Variants in YPEL5 observed in about 807,000 individuals in gnomAD.
YPEL5 encodes protein yippee-like 5.
A neutral mutation model predicts 10.5 loss-of-function variants in YPEL5; 1 was observed. The ratio of observed to expected loss-of-function variants is 0.10; its 90% CI spans 0.03 to 0.45. The LOEUF is 0.45. Ranked by LOEUF, YPEL5 falls within the 20% of genes least tolerant of loss-of-function variation. YPEL5 has a pLI of 0.97. For synonymous variants in YPEL5, 61 were observed against 56.6 expected (o/e 1.08, Z -0.35); for missense variants, 68 against 159.3 (o/e 0.43, Z 3.09).
At chr2:30,156,913 CAGA>C in intron 2 of YPEL5, 121 bp downstream of exon 2, 3 of 1,206,500 alleles carry the variant, frequency 2.5e-6, no homozygotes, top group Non-Finnish European at 3.5e-6. Context: ...TTGAAATCTA[CAGA>C]AATGATTGCC....
chr2:30,150,933 A>T (rs887122293), intron 1 of YPEL5, among the ~76,000 whole-genome samples: 2 of 152,198 alleles, frequency 1.3e-5, no homozygotes, highest in Non-Finnish European at 2.9e-5. Flanking sequence ...AAAAACTTTG[A>T]CACTCAAGTG....
chr2:30,147,261 C>G (rs996932459), intron 1 of YPEL5, among the ~76,000 whole-genome samples, 199 bp downstream of exon 1: 1 of 151,808 alleles, frequency 6.6e-6, no homozygotes, highest in East Asian at 1.9e-4. Flanking sequence ...GCTGGGACCG[C>G]GGGCGGACGC....
intron 1 of YPEL5, chr2:30,156,301 T>G (rs1034228506): frequency 3.1e-5 from 7 of 223,138 alleles, no homozygotes; most frequent in African/African-American, 1.6e-4. Context: ...TGCCAGTGCT[T>G]TACATCATTC....
In YPEL5 at chr2:30,147,713, C is replaced by G. The variant is rs188962590; in HGVS notation, c.-25+651C>G. 8.9e-3 allele frequency: 1,357 copies of G among 152,122 alleles called. 11 individuals carry two copies. Among genetic ancestry groups the G allele is most frequent in the Non-Finnish European group, 0.013 (886 of 68,072 alleles). 9.4% of individuals were successfully genotyped at this position (152,122 alleles called of 1,614,324 possible). On this transcript the variant is annotated intron_variant, in intron 1 of 2. Transcript: ENST00000261353. Reference sequence around the variant, plus strand: ...CATGAACGTCCGCCTCCCCCGCCCTCCTGCCCAGAGGACCCGGGACTGACA... The same window carrying G: ...CATGAACGTCCGCCTCCCCCGCCCTGCTGCCCAGAGGACCCGGGACTGACA...
At chr2:30,153,108 A>G (rs1276638257) in intron 1 of YPEL5, among the ~76,000 whole-genome samples, 1 of 151,970 alleles carries the variant, frequency 6.6e-6, no homozygotes, top group East Asian at 1.9e-4. Flanking sequence ...TCACAGTGTT[A>G]GCCAGGATGG....
Position 30,159,812 on chromosome 2 carries a change from T to C in YPEL5, c.*969T>C, listed in dbSNP as rs532107896. On this transcript the variant is annotated 3_prime_UTR_variant, in exon 3 of 3. Coordinates refer to ENST00000261353, the MANE Select transcript of YPEL5 (RefSeq NM_016061.3). ...TTAGAAAAGGGGGAAATGAAGCAAC[T>C]TGTCTAAAAATACTGCTTTACAAAG... The C allele has an allele frequency of 3.3e-5, 5 of 152,458 alleles. No homozygotes were observed. Among genetic ancestry groups the C allele is most frequent in the Admixed American group, 3.3e-4 (5 of 15,306 alleles). 9.4% of individuals were successfully genotyped at this position (152,458 alleles called of 1,614,324 possible). A position where few individuals can be genotyped will look rare whatever the true frequency, so the allele number is the denominator to read the frequency against.
At chr2:30,158,501 A>G in intron 2 of YPEL5, 118 bp from the exon 3 acceptor site, 1 of 972,810 alleles carries the variant, frequency 1.0e-6, no homozygotes, top group African/African-American at 1.6e-5. Context: ...GGTTTGACTA[A>G]ACTAACAAGT....
At chr2:30,154,188 T>A (rs973504823) in intron 1 of YPEL5, among the ~76,000 whole-genome samples, 3 of 152,210 alleles carry the variant, frequency 2.0e-5, no homozygotes, top group Non-Finnish European at 4.4e-5. Flanking sequence ...GCACAAATAC[T>A]AGTCTTCAAA....
chr2:30,151,982 G>A (rs1380991161), intron 1 of YPEL5, among the ~76,000 whole-genome samples: 1 of 152,206 alleles, frequency 6.6e-6, no homozygotes, highest in African/African-American at 2.4e-5. Flanking sequence ...CCAGTGGCTG[G>A]GAGTTGGAGA....
intron 1 of YPEL5, among the ~76,000 whole-genome samples, chr2:30,155,018 T>C (rs6743004): frequency 0.81 from 123,857 of 152,240 alleles, 50,879 homozygotes; most frequent in East Asian, 0.96. Context: ...GGATTACAGG[T>C]GTGAGCCACC....
intron 1 of YPEL5, among the ~76,000 whole-genome samples, chr2:30,155,403 T>G (rs937387747): frequency 6.6e-6 from 1 of 152,208 alleles, no homozygotes; most frequent in Admixed American, 6.5e-5. Flanking sequence ...AAATTTGTAA[T>G]GGAATTCCCC....
At chr2:30,152,118 T>C (rs752922287) in intron 1 of YPEL5, among the ~76,000 whole-genome samples, 2 of 152,218 alleles carry the variant, frequency 1.3e-5, no homozygotes, top group Non-Finnish European at 2.9e-5. Context: ...TGTACACTTG[T>C]AGTGAGTAAA....
In YPEL5 at chr2:30,158,997, C is replaced by T. The variant is rs1325128551; in HGVS notation, c.*154C>T. 4 of 727,358 alleles carry T rather than the reference C, an allele frequency of 5.5e-6. No individual in the cohort carries two copies. Among genetic ancestry groups the T allele is most frequent in the African/African-American group, 1.8e-5 (1 of 55,742 alleles). The allele number at this position is 727,358 out of a possible 1,614,324, so 45.1% of individuals were successfully genotyped here. A position where few individuals can be genotyped will look rare whatever the true frequency, so the allele number is the denominator to read the frequency against. On this transcript the variant is annotated 3_prime_UTR_variant, in exon 3 of 3. Transcript: ENST00000261353. Reference sequence around the variant, plus strand: ...AGATGGAACCTTTCTTTCTTTCTTTCTTTTTTTTTAAATTTTGTATTTTCC... The same window carrying T: ...AGATGGAACCTTTCTTTCTTTCTTTTTTTTTTTTTAAATTTTGTATTTTCC...
intron 1 of YPEL5, chr2:30,148,496 G>A (rs1417675433): frequency 1.3e-5 from 2 of 152,230 alleles, no homozygotes; most frequent in Admixed American, 1.3e-4. Flanking sequence ...AAGTGCTTTG[G>A]TGAATTCGTT....
chr2:30,156,434 T>G (rs1676042309), intron 1 of YPEL5, 194 bp from the exon 2 acceptor site: 3 of 517,420 alleles, frequency 5.8e-6, no homozygotes, highest in Non-Finnish European at 1.0e-5. Context: ...TCTTCTTAGC[T>G]TAGGCATGCC....
At chr2:30,148,391 T>C (rs940640953) in intron 1 of YPEL5, 1 of 152,202 alleles carries the variant, frequency 6.6e-6, no homozygotes, top group African/African-American at 2.4e-5. Flanking sequence ...TAGCTAACTT[T>C]GCATAGCCAC....
In YPEL5 at chr2:30,158,866, T is replaced by A. The variant is rs749132224; in HGVS notation, c.*23T>A. On this transcript the variant is annotated 3_prime_UTR_variant, in exon 3 of 3. Coordinates refer to ENST00000261353, the MANE Select transcript of YPEL5 (RefSeq NM_016061.3). ...TGAAGATACAGAGAGAAATCCATCT[T>A]TTCCCAGGTCTCCTTCACTGAAAAC... 6 of 1,610,636 alleles carry A rather than the reference T, an allele frequency of 3.7e-6. No homozygotes were observed. The Admixed American group carries it at 1.0e-4, about 27-fold the overall frequency.
chr2:30,156,281 C>T, intron 1 of YPEL5: 1 of 187,904 alleles, frequency 5.3e-6, no homozygotes, highest in African/African-American at 2.3e-5. Flanking sequence ...AACCTTTTTT[C>T]TCACCTCTCT....
chr2:30,158,275 AT>A (rs1299518764), intron 2 of YPEL5, among the ~76,000 whole-genome samples: 3 of 152,240 alleles, frequency 2.0e-5, no homozygotes, highest in Non-Finnish European at 4.4e-5. Flanking sequence ...TCATTGAATA[AT>A]GATGAATTAC....
Sources: gnomAD v4.1 joint callset for allele counts (sites outside exome capture counted in the v4.1 genomes callset) on GRCh38, gnomAD v4.1.1 for gene constraint, MANE v1.5 for transcripts, NCBI Gene and HGNC (gene_info 2026-07-23, HGNC 2026-07-21) for gene names.